Variants in ATG9B observed in about 807,000 individuals in gnomAD.
The protein encoded by ATG9B is autophagy related 9B.
A neutral mutation model predicts 92.9 loss-of-function variants in ATG9B; 92 were observed. The ratio of observed to expected loss-of-function variants is 0.99; its 90% CI spans 0.84 to 1.18. ATG9B has a LOEUF of 1.18. Among genes scored for constraint, ATG9B ranks in the 50% most tolerant of loss-of-function variants. The pLI, the probability that ATG9B is intolerant of heterozygous loss-of-function variation, is 0.00. For missense variants in ATG9B, 1,344 were observed against 1,235.0 expected, an observed-to-expected ratio of 1.09 and a Z score of -1.32; for synonymous variants, 599 against 551.4, an observed-to-expected ratio of 1.09 and a Z score of -1.21.
At chr7:151,017,363 A>C in intron 8 of ATG9B, 91 bp from the exon 9 acceptor site, 1 of 1,276,540 alleles carries the variant, frequency 7.8e-7, no homozygotes, top group East Asian at 2.3e-5. Flanking sequence ...TTCCACGTGA[A>C]GGAAACAGAC....
At chr7:151,013,663 C>G, downstream of ATG9B, 2 of 1,419,526 alleles carry the variant, frequency 1.4e-6, no homozygotes, top group South Asian at 1.3e-5. Context: ...AGCCAGCAGC[C>G]CCGGGCTGCG....
intron 9 of ATG9B, 67 bp from the exon 10 acceptor site, chr7:151,016,888 G>T: frequency 6.4e-7 from 1 of 1,552,576 alleles, no homozygotes; most frequent in Non-Finnish European, 8.7e-7. Flanking sequence ...GGAGTAGGGA[G>T]GAAGCAGAGG....
At chr7:151,012,556 A>G (rs1295485228), downstream of ATG9B, 6 of 1,485,388 alleles carry the variant, frequency 4.0e-6, 1 homozygote, top group South Asian at 7.4e-5. Flanking sequence ...AGGAAATAGG[A>G]AAGAGAGGGC....
chr7:151,018,693 C>G lies in ATG9B; in HGVS notation c.1645G>C (p.Asp549His). The G allele has an allele frequency of 6.2e-7, 1 of 1,604,030 alleles. No homozygotes were observed. Among genetic ancestry groups the G allele is most frequent in the Non-Finnish European group, 8.5e-7 (1 of 1,177,542 alleles). The stretch of plus-strand genomic sequence containing the variant: ...TGCTCCACGGCTAGCACGTCCTCGT[C>G]GTAGACGGTGAGCACAAGCAGCGCG... ...FAALLVLTVYDEDVLAVEHVL... is the reference protein window; with the variant it reads ...FAALLVLTVYHEDVLAVEHVL... The change falls in exon 6 of 14, where the codon GAC becomes CAC. Residue 549 changes from aspartate to histidine, a missense_variant. By Grantham distance (81) the Asp-to-His change is moderately conservative. Transcript: ENST00000639579. The surrounding 1 kb of genome is among the most constrained non-coding windows in gnomAD (Gnocchi z 4.7).
At chr7:151,014,114 G>A (rs1795384137), downstream of ATG9B, 16 of 1,613,352 alleles carry the variant, frequency 9.9e-6, no homozygotes, top group Admixed American at 1.7e-5. Context: ...CGTCAGTTGC[G>A]GGGCGCAGTG....
Position 151,019,109 on chromosome 7 carries a change from G to A in ATG9B, c.1229C>T (p.Ser410Leu). 6.5e-7 allele frequency: 1 copy of A among 1,535,942 alleles called. No homozygotes were observed. The highest frequency in any genetic ancestry group is 8.7e-7 in the Non-Finnish European group (1 of 1,146,602). Residue 410 changes from serine (S) to leucine (L), a missense_variant, in exon 6 of 14, where the codon TCG becomes TTG. Physicochemically the swap from Ser to Leu is moderately radical, Grantham distance 145. Coordinates refer to ENST00000639579, the MANE Select transcript of ATG9B (RefSeq NM_001317056.2). ...CAGCTCCCAGCCCCCGCGGAAGAGC[G>A]AGAAGGGACCGCGGAAGAGCAGCAG... ...VDLLLFRGPF[S>L]LFRGGWELPH...
chr7:151,017,157 T>C lies in ATG9B; in HGVS notation c.2168A>G (p.His723Arg). The C allele has an allele frequency of 1.9e-6, 3 of 1,613,150 alleles. No individual in the cohort carries two copies. Among genetic ancestry groups the C allele is most frequent in the Non-Finnish European group, 1.7e-6 (2 of 1,179,816 alleles). ...GAGGTGCCCAAGAAACTTAGAGCTG[T>C]GCCCTGGGGGGCGCCAGAGTGGATG... ...LAHPLWRPPG[H>R]SSKFLGHLWG... The change falls in exon 9 of 14, where the codon CAC (histidine) becomes CGC (arginine). Residue 723 changes from histidine (H) to arginine (R), a missense_variant. Transcript: ENST00000639579.
Position 151,019,325 on chromosome 7 carries a change from G to A in ATG9B, c.1013C>T (p.Ala338Val), listed in dbSNP as rs1228869628. 1 of 1,568,858 alleles carries A rather than the reference G, an allele frequency of 6.4e-7. No homozygotes were observed. The highest frequency in any genetic ancestry group is 1.2e-5 in the South Asian group (1 of 85,320). ...GCACAGGCCCCCGCTCCGCTGCAGT[G>A]CCAAGAGGCGGGACTGCACCTCTGC... is the stretch of plus-strand genomic sequence containing the variant. Reference protein sequence around the residue: ...PWAEVQSRLLALQRSGGLCVQ... With the variant: ...PWAEVQSRLLVLQRSGGLCVQ... Residue 338 changes from alanine (A) to valine (V), a missense_variant, in exon 6 of 14, where the codon GCA (alanine) becomes GTA (valine). Transcript: ENST00000639579.
At chr7:151,015,784 C>A in intron 13 of ATG9B, 71 bp from the exon 14 acceptor site, 2 of 1,427,438 alleles carry the variant, frequency 1.4e-6, no homozygotes, top group East Asian at 2.5e-5. Flanking sequence ...CTCCCATCAC[C>A]CCAAATTCCC....
intron 10 of ATG9B, 31 bp downstream of exon 10, chr7:151,016,657 A>G: frequency 6.5e-7 from 1 of 1,543,538 alleles, no homozygotes; most frequent in Non-Finnish European, 8.7e-7. Context: ...CCCCCTCCAC[A>G]TGCCCCTGCA....
intron 5 of ATG9B, chr7:151,020,938 CA>C (rs1265796489): frequency 4.8e-6 from 2 of 412,412 alleles, no homozygotes; most frequent in Non-Finnish European, 4.3e-6. Context: ...TTAGCACAAA[CA>C]TGTAACTATA....
In ATG9B at chr7:151,023,741, A is replaced by C; in HGVS notation, c.551-11T>G. The C allele has an allele frequency of 6.2e-7, 1 of 1,614,012 alleles. No homozygotes were observed. The highest frequency in any genetic ancestry group is 8.5e-7 in the Non-Finnish European group (1 of 1,179,992). On this transcript the variant is annotated splice_polypyrimidine_tract_variant and intron_variant, in intron 1 of 13. Coordinates refer to ENST00000639579, the MANE Select transcript of ATG9B (RefSeq NM_001317056.2). ...TGTGATGCCAGGAGCCTGGGCACAG[A>C]GGGGAGAGTGTCAGCCCCTGGCATG...
chr7:151,024,467 T>G lies in ATG9B; in HGVS notation c.-44A>C, dbSNP rs768806212. On this transcript the variant is annotated 5_prime_UTR_variant, in exon 1 of 14. Coordinates refer to ENST00000639579, the MANE Select transcript of ATG9B (RefSeq NM_001317056.2). ...GAAAGGTTGGAAGGATGGGAGCTGT[T>G]GTTGCTTCCACAAAGGTCTGTGACA... The G allele has an allele frequency of 1.6e-6, 2 of 1,279,454 alleles. No individual in the cohort carries two copies. The highest frequency in any genetic ancestry group is 2.0e-6 in the Non-Finnish European group (2 of 1,001,350). 79.3% of individuals were successfully genotyped at this position (1,279,454 alleles called of 1,614,324 possible). A position where few individuals can be genotyped will look rare whatever the true frequency, so the allele number is the denominator to read the frequency against.
Position 151,021,203 on chromosome 7 carries a change from G to A in ATG9B, c.948C>T (p.Ala316=), listed in dbSNP as rs754677410. The A allele has an allele frequency of 1.2e-6, 2 of 1,613,376 alleles. No individual in the cohort carries two copies. The highest frequency in any genetic ancestry group is 1.7e-5 in the Admixed American group (1 of 60,010). Residue 316 remains alanine, a synonymous_variant, in exon 5 of 14, where the codon GCC becomes GCT. Coordinates refer to ENST00000639579, the MANE Select transcript of ATG9B (RefSeq NM_001317056.2). ...CCCAGCTCACCGGGGGGATGTGCAG[G>A]GCCTCCCTGTAAAACACCTGGATGT... ...YWDIQVFYRE[A]LHIPPEELSS... is the part of the protein sequence containing the mutation.
rs756497394 is a variant in ATG9B, at chr7:151,018,289, C to G, written c.1872+5G>C. On this transcript the variant is annotated splice_donor_5th_base_variant and intron_variant, in intron 7 of 13. Coordinates refer to ENST00000639579, the MANE Select transcript of ATG9B (RefSeq NM_001317056.2). This position sits in a 1 kb window ranked among gnomAD's most constrained non-coding sequence, Gnocchi z 4.7. ...TCCTCAGCCCGCCGTCGCGCCCACCCTCACCGCTCGGTACTGCAGCAGCTG... is the reference window on the plus strand; with the variant it reads ...TCCTCAGCCCGCCGTCGCGCCCACCGTCACCGCTCGGTACTGCAGCAGCTG... 7.5e-5 allele frequency: 116 copies of G among 1,540,348 alleles called. No homozygotes were observed. Among genetic ancestry groups the G allele is most frequent in the Non-Finnish European group, 9.9e-5 (114 of 1,153,360 alleles).
downstream of ATG9B, chr7:151,013,434 C>T (rs1795352412): frequency 1.9e-5 from 30 of 1,559,954 alleles, no homozygotes; most frequent in Admixed American, 5.3e-5. Flanking sequence ...GAGGGGAGGA[C>T]TCGCGCTCTC....
chr7:151,019,074 A>T lies in ATG9B; in HGVS notation c.1264T>A (p.Tyr422Asn), dbSNP rs778466689. 4.6e-6 allele frequency: 7 copies of T among 1,536,218 alleles called. No homozygotes were observed. Among genetic ancestry groups the T allele is most frequent in the Non-Finnish European group, 6.1e-6 (7 of 1,146,486 alleles). ...GCGCCCCGCTGGTCGCTGCGCTTGT[A>T]GGCGTGCGGCAGCTCCCAGCCCCCG... is the stretch of plus-strand genomic sequence containing the variant. Reference protein sequence around the residue: ...FRGGWELPHAYKRSDQRGALA... With the variant: ...FRGGWELPHANKRSDQRGALA... The change falls in exon 6 of 14, where the codon TAC becomes AAC. Residue 422 changes from tyrosine (Y) to asparagine (N), a missense_variant. By Grantham distance (143) the Tyr-to-Asn change is moderately radical. Transcript: ENST00000639579.
downstream of ATG9B, chr7:151,012,682 G>A (rs1017976391): frequency 5.5e-6 from 3 of 544,210 alleles, no homozygotes; most frequent in African/African-American, 5.6e-5. Flanking sequence ...TACATAGTAG[G>A]TGTTGACTGG....
In ATG9B at chr7:151,024,398, C is replaced by T. The variant is rs772234685; in HGVS notation, c.26G>A (p.Gly9Glu). Residue 9 changes from glycine to glutamate, a missense_variant, in exon 1 of 14, where the codon GGG (glycine) becomes GAG (glutamate). Gly to Glu is a moderately conservative substitution (Grantham distance 98). Coordinates refer to ENST00000639579, the MANE Select transcript of ATG9B (RefSeq NM_001317056.2). ...CCACCGCCCCAGCCGCCTTCTTCTC[C>T]CCCCCCAGCCCATTCGGCTCACCAT... MVSRMGWG[G>E]RRRRLGRWGD... The T allele has an allele frequency of 2.2e-6, 3 of 1,370,226 alleles. No individual in the cohort carries two copies. The highest frequency in any genetic ancestry group is 1.9e-6 in the Non-Finnish European group (2 of 1,056,904). The allele number at this position is 1,370,226 out of a possible 1,614,324, so 84.9% of individuals were successfully genotyped here. A position where few individuals can be genotyped will look rare whatever the true frequency, so the allele number is the denominator to read the frequency against.
Sources: gnomAD v4.1 joint callset for allele counts on GRCh38, gnomAD v4.1.1 for gene constraint, Gnocchi (gnomAD v3.1) non-coding constraint, MANE v1.5 for transcripts, NCBI Gene and HGNC (gene_info 2026-07-23, HGNC 2026-07-21) for gene names.